The following RBFOX3 variants were observed in gnomAD, a reference collection of about 807,000 sequenced individuals.
The protein encoded by RBFOX3 is RNA binding protein fox-1 homolog 3.
Under a neutral mutation model 48.7 loss-of-function variants are expected in RBFOX3, and 17 were observed. The observed-to-expected ratio is 0.35, with a 90% CI of 0.24 to 0.52. RBFOX3 has a LOEUF of 0.52. Ranked by LOEUF, RBFOX3 falls within the 20% of genes least tolerant of loss-of-function variation. The probability of loss-of-function intolerance (pLI) is 0.94; values close to 1 mark genes in which losing one functional copy is unlikely to be tolerated. For missense variants in RBFOX3, 382 were observed against 497.5 expected (o/e 0.77, Z 2.21); for synonymous variants, 212 against 209.5 (o/e 1.01, Z -0.10).
Position 79,477,227 on chromosome 17 carries a change from C to T in RBFOX3, c.-175+5227G>A, listed in dbSNP as rs1411286417. Reference sequence around the variant, plus strand: ...CAGCCTGGGTGAAAGAGCAAGGCTCCGTTTCAAAAAAAAATAAATAAAGAT... The same window carrying T: ...CAGCCTGGGTGAAAGAGCAAGGCTCTGTTTCAAAAAAAAATAAATAAAGAT... On this transcript the variant is annotated intron_variant, in intron 2 of 14. Transcript: ENST00000693108. The surrounding 1 kb of genome is among the most constrained non-coding windows in gnomAD (Gnocchi z 4.8). Among the ~76,000 whole-genome samples the T allele has an allele frequency of 6.7e-5, 9 of 133,474 alleles. No individual in the cohort carries two copies. The highest frequency in any genetic ancestry group is 4.3e-4 in the East Asian group (2 of 4,678). 87.6% of individuals were successfully genotyped at this position (133,474 alleles called of 152,430 possible). A position where few individuals can be genotyped will look rare whatever the true frequency, so the allele number is the denominator to read the frequency against.
At chr17:79,451,205 C>G (rs2073428654) in intron 2 of RBFOX3, among the ~76,000 whole-genome samples, 1 of 152,052 alleles carries the variant, frequency 6.6e-6, no homozygotes, top group Non-Finnish European at 1.5e-5. Flanking sequence ...GAAGTTATAT[C>G]TAAACACCTG....
chr17:79,652,439 C>G, the RBFOX3 span, among the ~76,000 whole-genome samples: 2 of 147,308 alleles, frequency 1.4e-5, no homozygotes, highest in Admixed American at 6.9e-5. Flanking sequence ...AAGCAAGATC[C>G]TGTCTGGAAA....
Position 79,200,526 on chromosome 17 carries a change from C to T in RBFOX3, c.-34+35240G>A, listed in dbSNP as rs563125640. ...AGGGGCAGAGGTGCCGCCGGAGGGA[C>T]AGCGGTGGCCGAGCAGAAGCCAGGG... On this transcript the variant is annotated intron_variant, in intron 4 of 14. Transcript: ENST00000693108. Among the ~76,000 whole-genome samples, 5 of 152,342 alleles carry T rather than the reference C, an allele frequency of 3.3e-5. No individual in the cohort carries two copies. The East Asian group carries it at 9.6e-4, about 29-fold the overall frequency.
chr17:79,158,369 T>C lies in RBFOX3; in HGVS notation c.-33-42621A>G, dbSNP rs184872888. ...CTCTGTGCCTCAGTTTCCTCTACTGTAGAATGGGATAGCAATGTGCCCACC... is the reference window on the plus strand; with the variant it reads ...CTCTGTGCCTCAGTTTCCTCTACTGCAGAATGGGATAGCAATGTGCCCACC... On this transcript the variant is annotated intron_variant, in intron 4 of 14. Coordinates refer to ENST00000693108, the MANE Select transcript of RBFOX3 (RefSeq NM_001350451.2). 5.1e-3 allele frequency among the ~76,000 whole-genome samples: 779 copies of C among 152,242 alleles called. 7 individuals are homozygous for C. The highest frequency in any genetic ancestry group is 0.016 in the South Asian group (76 of 4,818).
At chr17:79,544,662 C>T (rs74340690) in intron 1 of RBFOX3, among the ~76,000 whole-genome samples, 6,136 of 152,074 alleles carry the variant, frequency 0.04, 293 homozygotes, top group African/African-American at 0.12. Flanking sequence ...TCCCTGCAGA[C>T]ACACCTGGCT....
intron 1 of RBFOX3, among the ~76,000 whole-genome samples, chr17:79,501,439 G>T (rs1351536079): frequency 2.0e-5 from 3 of 152,216 alleles, no homozygotes; most frequent in African/African-American, 7.2e-5. Context: ...ATGTCCAACA[G>T]CTCCAGGAAA....
intron 3 of RBFOX3, among the ~76,000 whole-genome samples, chr17:79,262,190 C>T (rs756671035): frequency 3.9e-5 from 6 of 152,368 alleles, no homozygotes; most frequent in Middle Eastern, 3.4e-3. Flanking sequence ...GGCTAAGCGG[C>T]GGCCAGGCCA....
At chr17:79,565,647 A>C (rs1210459987) in intron 1 of RBFOX3, among the ~76,000 whole-genome samples, 8 of 152,260 alleles carry the variant, frequency 5.3e-5, no homozygotes, top group African/African-American at 1.9e-4. Context: ...AGCCTAGCAC[A>C]TCTATTTTTT....
intron 1 of RBFOX3, among the ~76,000 whole-genome samples, chr17:79,504,368 C>T (rs1351817914): frequency 2.0e-5 from 3 of 152,184 alleles, no homozygotes; most frequent in Non-Finnish European, 4.4e-5. Context: ...CATTTCTTTA[C>T]AACACAGCAT....
the RBFOX3 span, among the ~76,000 whole-genome samples, chr17:79,645,611 C>G: frequency 6.6e-6 from 1 of 152,324 alleles, no homozygotes; most frequent in East Asian, 1.9e-4. Context: ...CCCAGTCCAG[C>G]CCAGGGAGCC....
At chr17:79,562,627 C>G (rs2092286584) in intron 1 of RBFOX3, among the ~76,000 whole-genome samples, 1 of 152,148 alleles carries the variant, frequency 6.6e-6, no homozygotes, top group South Asian at 2.1e-4. Context: ...AATACACATC[C>G]AGCACGAAGT....
chr17:79,275,047 T>C (rs1411407821), intron 3 of RBFOX3, among the ~76,000 whole-genome samples: 1 of 136,392 alleles, frequency 7.3e-6, no homozygotes, highest in East Asian at 2.4e-4. Context: ...TGCCTTAGAC[T>C]CTTGGCTGTG....
At position 79,166,890 on chromosome 17, in the gene RBFOX3, C is replaced by A. The variant is rs146796174; in HGVS notation, c.-33-51142G>T. ...TAAAAGTCACCGAATTGCACACCTG[C>A]CAAAGAGTGAATTTTACAGTATGCA... is the stretch of plus-strand genomic sequence containing the variant. On this transcript the variant is annotated intron_variant, in intron 4 of 14. Transcript: ENST00000693108. 4.4e-3 allele frequency among the ~76,000 whole-genome samples: 667 copies of A among 152,278 alleles called. 5 individuals are homozygous for A. The highest frequency in any genetic ancestry group is 0.014 in the African/African-American group (600 of 41,548).
At chr17:79,138,967 C>T (rs555435235) in intron 4 of RBFOX3, among the ~76,000 whole-genome samples, 11 of 143,840 alleles carry the variant, frequency 7.6e-5, no homozygotes, top group African/African-American at 2.8e-4. Context: ...CACATGCACA[C>T]AGCACATGCG....
chr17:79,659,391 G>A, the RBFOX3 span, among the ~76,000 whole-genome samples: 5,343 of 152,198 alleles, frequency 0.035, 319 homozygotes, highest in African/African-American at 0.12. Context: ...TGCTTTAAGG[G>A]GGTGACTTGG....
At chr17:79,344,857 T>C (rs2082645961) in intron 2 of RBFOX3, among the ~76,000 whole-genome samples, 1 of 152,054 alleles carries the variant, frequency 6.6e-6, no homozygotes, top group Non-Finnish European at 1.5e-5. Flanking sequence ...CGCCCGGCCA[T>C]CTGTTTGCTT....
At chr17:79,355,475 C>A (rs1449544527) in intron 2 of RBFOX3, among the ~76,000 whole-genome samples, 3 of 152,222 alleles carry the variant, frequency 2.0e-5, no homozygotes, top group African/African-American at 7.2e-5. Flanking sequence ...AGCTCCCCTC[C>A]AGCCTCTCCA....
intron 1 of RBFOX3, among the ~76,000 whole-genome samples, chr17:79,512,869 AC>A (rs2084620823): frequency 6.9e-6 from 1 of 144,172 alleles, no homozygotes; most frequent in Non-Finnish European, 1.5e-5. Flanking sequence ...GGGGACGCAC[AC>A]CCGGATACGT....
At chr17:79,618,916 G>A in the RBFOX3 span, among the ~76,000 whole-genome samples, 2 of 152,148 alleles carry the variant, frequency 1.3e-5, no homozygotes, top group South Asian at 2.1e-4. Context: ...AGAGGAAGCC[G>A]GGAAATGGAA....
Sources: allele counts gnomAD v4.1 joint callset (sites outside exome capture counted in the v4.1 genomes callset), GRCh38; gene constraint gnomAD v4.1.1; non-coding constraint Gnocchi (gnomAD v3.1); transcripts MANE v1.5; gene names NCBI Gene and HGNC (gene_info 2026-07-23, HGNC 2026-07-21).